Variants in ITGBL1 observed in about 807,000 individuals in gnomAD.
ITGBL1 encodes the protein integrin subunit beta like 1.
ITGBL1 carries 51 observed loss-of-function variants against 68.5 expected under a neutral mutation model. The observed-to-expected ratio is 0.74, with a 90% CI of 0.59 to 0.94. The LOEUF is 0.94. Among genes scored for constraint, ITGBL1 ranks in the 40% least tolerant of loss-of-function variants. ITGBL1 has a pLI of 0.00. For missense variants in ITGBL1, 649 were observed against 647.4 expected (o/e 1.00, Z -0.03); for synonymous variants, 209 against 227.3 (o/e 0.92, Z 0.72).
chr13:101,542,340 T>A (rs1272786268), intron 2 of ITGBL1, among the ~76,000 whole-genome samples: 1 of 152,240 alleles, frequency 6.6e-6, no homozygotes, highest in African/African-American at 2.4e-5. Flanking sequence ...GAGCAGGTTG[T>A]TCAGTTTCCA....
At chr13:101,603,217 C>T (rs951439957) in intron 7 of ITGBL1, among the ~76,000 whole-genome samples, 2 of 151,874 alleles carry the variant, frequency 1.3e-5, no homozygotes, top group African/African-American at 4.8e-5. Context: ...TCCAGTTTGT[C>T]CACATCCTTG....
chr13:101,475,761 G>A, intron 2 of ITGBL1, among the ~76,000 whole-genome samples: 1 of 135,880 alleles, frequency 7.4e-6, no homozygotes, highest in African/African-American at 2.7e-5. Flanking sequence ...GGCCAAAAGG[G>A]ACTGGTGCAA....
At chr13:101,652,914 A>G (rs1165642765) in intron 7 of ITGBL1, among the ~76,000 whole-genome samples, 1 of 152,086 alleles carries the variant, frequency 6.6e-6, no homozygotes, top group Non-Finnish European at 1.5e-5. Context: ...CCTGACCAAC[A>G]TGGAGAAACC....
intron 7 of ITGBL1, among the ~76,000 whole-genome samples, chr13:101,623,448 G>A (rs536932652): frequency 1.6e-4 from 24 of 152,202 alleles, no homozygotes; most frequent in Non-Finnish European, 3.1e-4. Context: ...ACATACAATT[G>A]TCATTTTGTT....
chr13:101,518,594 A>G (rs1169362591), intron 2 of ITGBL1, among the ~76,000 whole-genome samples: 1 of 152,216 alleles, frequency 6.6e-6, no homozygotes, highest in Non-Finnish European at 1.5e-5. Flanking sequence ...GAGAAAAAGA[A>G]CAGTATATTG....
At chr13:101,537,702 G>C (rs1479890413) in intron 2 of ITGBL1, among the ~76,000 whole-genome samples, 1 of 151,940 alleles carries the variant, frequency 6.6e-6, no homozygotes, top group African/African-American at 2.4e-5. Flanking sequence ...AATTAAAATT[G>C]TCATGTGGAT....
chr13:101,489,390 A>G (rs1359623712), intron 2 of ITGBL1, among the ~76,000 whole-genome samples: 1 of 152,214 alleles, frequency 6.6e-6, no homozygotes, highest in Non-Finnish European at 1.5e-5. Context: ...CTTTTGAGAT[A>G]TAAACTGTTT....
At chr13:101,575,634 C>A in intron 4 of ITGBL1, 88 bp downstream of exon 4, 1 of 1,307,130 alleles carries the variant, frequency 7.7e-7, no homozygotes, top group Non-Finnish European at 1.1e-6. Flanking sequence ...TAAGTTTCTG[C>A]TCTAGGTGTG....
At chr13:101,494,987 G>C (rs1202155631) in intron 2 of ITGBL1, among the ~76,000 whole-genome samples, 1 of 152,090 alleles carries the variant, frequency 6.6e-6, no homozygotes, top group Admixed American at 6.6e-5. Flanking sequence ...AAGAGTGATG[G>C]GGATTATTTC....
At chr13:101,511,582 G>A (rs1229821961) in intron 2 of ITGBL1, among the ~76,000 whole-genome samples, 1 of 152,122 alleles carries the variant, frequency 6.6e-6, no homozygotes, top group Non-Finnish European at 1.5e-5. Context: ...GCCCTTTAAA[G>A]GAAAAGCCAG....
intron 7 of ITGBL1, among the ~76,000 whole-genome samples, chr13:101,610,122 G>T (rs938525084): frequency 1.4e-4 from 21 of 152,208 alleles, no homozygotes; most frequent in Admixed American, 3.9e-4. Flanking sequence ...TTGTTACTAT[G>T]ATTATATATT....
At chr13:101,630,386 CTGATCCTT>C (rs2139407040) in intron 7 of ITGBL1, among the ~76,000 whole-genome samples, 1 of 152,190 alleles carries the variant, frequency 6.6e-6, no homozygotes, top group Non-Finnish European at 1.5e-5. Context: ...TGTAAGAAAT[CTGATCCTT>C]TGTAGGTGGT....
At chr13:101,674,254 CTTGT>C (rs1279778493) in intron 7 of ITGBL1, among the ~76,000 whole-genome samples, 1 of 152,198 alleles carries the variant, frequency 6.6e-6, no homozygotes, top group Non-Finnish European at 1.5e-5. Context: ...TAATGTCAGA[CTTGT>C]TTTTGATCCT....
intron 7 of ITGBL1, among the ~76,000 whole-genome samples, chr13:101,679,486 C>A (rs1045042139): frequency 1.3e-5 from 2 of 152,070 alleles, no homozygotes; most frequent in Admixed American, 6.5e-5. Context: ...ATGGGTTTTG[C>A]CAGCTAGAAA....
intron 2 of ITGBL1, among the ~76,000 whole-genome samples, chr13:101,503,117 A>G (rs1168341214): frequency 3.9e-5 from 6 of 152,236 alleles, no homozygotes; most frequent in Admixed American, 3.9e-4. Flanking sequence ...TGGTAAAAGA[A>G]ATATGGGGTA....
chr13:101,540,627 C>T (rs2049679092), intron 2 of ITGBL1, among the ~76,000 whole-genome samples: 1 of 152,100 alleles, frequency 6.6e-6, no homozygotes, highest in Non-Finnish European at 1.5e-5. Flanking sequence ...GCAATTGAAC[C>T]TATAAATTAC....
chr13:101,594,426 T>C (rs1477444978), intron 6 of ITGBL1, among the ~76,000 whole-genome samples: 1 of 152,116 alleles, frequency 6.6e-6, no homozygotes, highest in Non-Finnish European at 1.5e-5. Flanking sequence ...TATATAAAAA[T>C]CAACTCAAAA....
At chr13:101,455,231 G>A (rs9513904) in intron 2 of ITGBL1, among the ~76,000 whole-genome samples, 93,643 of 151,718 alleles carry the variant, frequency 0.62, 30,330 homozygotes, top group Non-Finnish European at 0.73. Flanking sequence ...TTTTTTTCTC[G>A]GAACCTGGGC....
At chr13:101,458,406 C>T (rs2048273518) in intron 2 of ITGBL1, among the ~76,000 whole-genome samples, 1 of 152,130 alleles carries the variant, frequency 6.6e-6, no homozygotes, top group African/African-American at 2.4e-5. Context: ...GTTGGCTTGG[C>T]TGGATCTTAG....
Sources: gnomAD v4.1 joint callset for allele counts (sites outside exome capture counted in the v4.1 genomes callset) on GRCh38, gnomAD v4.1.1 for gene constraint, MANE v1.5 for transcripts, NCBI Gene and HGNC (gene_info 2026-07-23, HGNC 2026-07-21) for gene names.